Variants in NCKAP1L observed in about 807,000 individuals in gnomAD.
The protein encoded by NCKAP1L is NCK associated protein 1 like.
NCKAP1L carries 53 observed loss-of-function variants against 139.2 expected under a neutral mutation model. The observed-to-expected ratio is 0.38, with a 90% CI of 0.31 to 0.48. The LOEUF (loss-of-function observed/expected upper bound fraction) is 0.48. Among genes scored for constraint, NCKAP1L ranks in the 20% least tolerant of loss-of-function variants. The probability of loss-of-function intolerance (pLI) is 0.98; values close to 1 mark genes in which losing one functional copy is unlikely to be tolerated. For missense variants in NCKAP1L, 1,151 were observed against 1,381.9 expected (o/e 0.83, Z 2.65); for synonymous variants, 468 against 499.7 (o/e 0.94, Z 0.85).
At chr12:54,518,786 A>T in intron 14 of NCKAP1L, 54 bp downstream of exon 14, 1 of 1,535,658 alleles carries the variant, frequency 6.5e-7, no homozygotes, top group Non-Finnish European at 9.0e-7. Context: ...AACATCTTTT[A>T]TCCGGAAATA....
intron 19 of NCKAP1L, 111 bp downstream of exon 19, chr12:54,523,650 A>G: frequency 6.8e-7 from 1 of 1,465,284 alleles, no homozygotes; most frequent in Non-Finnish European, 9.2e-7. Context: ...GTGGGGAATG[A>G]GGGGCATGGA....
At position 54,519,342 on chromosome 12, in the gene NCKAP1L, G is replaced by T; in HGVS notation, c.1625+10G>T. 6.7e-7 allele frequency: 1 copy of T among 1,490,678 alleles called. No homozygotes were observed. Among genetic ancestry groups the T allele is most frequent in the South Asian group, 1.5e-5 (1 of 68,410 alleles). 92.3% of individuals were successfully genotyped at this position (1,490,678 alleles called of 1,614,324 possible). On this transcript the variant is annotated intron_variant, in intron 16 of 30. Transcript: ENST00000293373. ...ATCTGTCTACTTTCTGGTATGTCTT[G>T]GTTCAGAGCTCTCTTTAAAAAGTTT...
chr12:54,523,034 T>C (rs1485418660), intron 18 of NCKAP1L, among the ~76,000 whole-genome samples: 2 of 152,216 alleles, frequency 1.3e-5, no homozygotes, highest in African/African-American at 4.8e-5. Flanking sequence ...TTTTCCTACA[T>C]TGGAAGACCC....
intron 7 of NCKAP1L, chr12:54,510,497 G>A (rs893719541): frequency 3.6e-5 from 7 of 192,884 alleles, no homozygotes; most frequent in Non-Finnish European, 7.7e-5. Flanking sequence ...GACTAATTTT[G>A]TTTATTTTAT....
chr12:54,544,113 G>A lies in NCKAP1L; in HGVS notation c.*1428G>A, dbSNP rs900636811. 2 of 152,180 alleles carry A rather than the reference G, an allele frequency of 1.3e-5. No homozygotes were observed. The highest frequency in any genetic ancestry group is 6.5e-5 in the Admixed American group (1 of 15,278). 9.4% of individuals were successfully genotyped at this position (152,180 alleles called of 1,614,324 possible). On this transcript the variant is annotated 3_prime_UTR_variant, in exon 31 of 31. Coordinates refer to ENST00000293373, the MANE Select transcript of NCKAP1L (RefSeq NM_005337.5). ...ATACAGATTTTTCTTAGCAACAGTT[G>A]TCTGCTCTTTAGGGTGGAAGCGATA...
chr12:54,527,344 G>C (rs1287245002), intron 21 of NCKAP1L, among the ~76,000 whole-genome samples: 1 of 152,178 alleles, frequency 6.6e-6, no homozygotes, highest in Non-Finnish European at 1.5e-5. Context: ...CTGCAAAGAA[G>C]AACCCCCCAG....
rs747272421 is a variant in NCKAP1L, at chr12:54,538,896, A to G, written c.3196A>G (p.Ser1066Gly). The change falls in exon 30 of 31, where the codon AGC becomes GGC. Residue 1066 changes from serine (S) to glycine (G), a missense_variant. By Grantham distance (56) the Ser-to-Gly change is moderately conservative (BLOSUM62 0). Transcript: ENST00000293373. ...LKEFLVVASV[S>G]LLQLGQETDK... ...TCTTCCCTTACAGGTGGCCTCTGTC[A>G]GCCTCTTGCAGCTGGGCCAGGAGAC... The G allele has an allele frequency of 5.6e-6, 9 of 1,614,030 alleles. No homozygotes were observed. The highest frequency in any genetic ancestry group is 7.6e-6 in the Non-Finnish European group (9 of 1,179,928).
chr12:54,538,146 C>T (rs1248363937), intron 29 of NCKAP1L, among the ~76,000 whole-genome samples: 3 of 152,196 alleles, frequency 2.0e-5, no homozygotes, highest in Non-Finnish European at 4.4e-5. Flanking sequence ...CACAGCGGAT[C>T]ATATTGTTCT....
Position 54,537,058 on chromosome 12 carries a change from G to A in NCKAP1L, c.3183+5G>A. 6.4e-7 allele frequency: 1 copy of A among 1,571,216 alleles called. No individual in the cohort carries two copies. On this transcript the variant is annotated splice_donor_5th_base_variant and intron_variant, in intron 29 of 30. Coordinates refer to ENST00000293373, the MANE Select transcript of NCKAP1L (RefSeq NM_005337.5). ...CACCTCAAGGAATTTCTGGTGGTGA[G>A]TGGGTCTAGGTTATAAAGAATGGAA...
chr12:54,541,562 C>T (rs1000018234), intron 30 of NCKAP1L, among the ~76,000 whole-genome samples: 2 of 152,194 alleles, frequency 1.3e-5, no homozygotes, highest in African/African-American at 4.8e-5. Flanking sequence ...CAGCAGATTT[C>T]CCTTCCTTCA....
chr12:54,511,234 T>TA (rs1295849519), intron 7 of NCKAP1L, among the ~76,000 whole-genome samples: 1 of 152,234 alleles, frequency 6.6e-6, no homozygotes, highest in Non-Finnish European at 1.5e-5. Flanking sequence ...GAAGAGAAGT[T>TA]ATGTGAAACC....
rs367681620 is a variant in NCKAP1L at position 54,508,445 on chromosome 12, A to C, written c.420A>C (p.Ser140=). The C allele has an allele frequency of 6.2e-7, 1 of 1,614,060 alleles. No homozygotes were observed. The highest frequency in any genetic ancestry group is 1.1e-5 in the South Asian group (1 of 91,088). The part of the protein sequence containing the change: ...SYLDLIVTYT[S]VILLLSRIED... ...TGGACTTGATTGTAACTTACACCTC[A>C]GTCATTTTACTTCTGTCACGGATTG... The change falls in exon 5 of 31, where the codon TCA becomes TCC. Residue 140 remains serine, a synonymous_variant. Coordinates refer to ENST00000293373, the MANE Select transcript of NCKAP1L (RefSeq NM_005337.5).
intron 29 of NCKAP1L, among the ~76,000 whole-genome samples, chr12:54,538,381 G>A (rs1192734463): frequency 1.3e-5 from 2 of 152,110 alleles, no homozygotes. Context: ...CCTGGGCCTG[G>A]GATACAATGA....
chr12:54,538,566 G>A (rs1957131643), intron 29 of NCKAP1L, among the ~76,000 whole-genome samples: 1 of 152,170 alleles, frequency 6.6e-6, no homozygotes, highest in Non-Finnish European at 1.5e-5. Context: ...TCTGGAGGCT[G>A]CCTAGGAAAA....
chr12:54,513,801 G>C (rs1362421950), intron 9 of NCKAP1L, among the ~76,000 whole-genome samples: 1 of 152,124 alleles, frequency 6.6e-6, no homozygotes, highest in African/African-American at 2.4e-5. Flanking sequence ...GACTGTAAAG[G>C]GAAGAATAGA....
Position 54,532,247 on chromosome 12 carries a change from C to G in NCKAP1L, c.2859C>G (p.Ile953Met). The G allele has an allele frequency of 2.5e-6, 4 of 1,612,318 alleles. No homozygotes were observed. Among genetic ancestry groups the G allele is most frequent in the Non-Finnish European group, 3.4e-6 (4 of 1,178,954 alleles). The stretch of plus-strand genomic sequence containing the variant: ...AGTTTGTCACTCCAGACACAGACAT[C>G]AAGGTATGGAGGAGTGCAAAGTAGA... ...LKEFVTPDTD[I>M]KVTLSIFELA... is the part of the protein sequence containing the mutation. Residue 953 changes from isoleucine to methionine, a missense_variant, in exon 26 of 31, where the codon ATC (isoleucine) becomes ATG (methionine). Coordinates refer to ENST00000293373, the MANE Select transcript of NCKAP1L (RefSeq NM_005337.5).
chr12:54,519,056 C>T (rs1956958108), intron 15 of NCKAP1L, 84 bp downstream of exon 15: 21 of 1,548,954 alleles, frequency 1.4e-5, no homozygotes, highest in East Asian at 2.3e-5. Flanking sequence ...CCTAAATTTG[C>T]TTTATGGAGT....
At chr12:54,506,796 A>AAAAAAAAAAAAAATATATATATATAT in intron 3 of NCKAP1L, among the ~76,000 whole-genome samples, 2 of 50,608 alleles carry the variant, frequency 4.0e-5, no homozygotes, top group East Asian at 2.1e-3. Flanking sequence ...AAAAAAAAAA[A>AAAAAAAAAAAAAATATATATATATAT]ATATATATAT....
chr12:54,528,088 G>A (rs1449004938), intron 21 of NCKAP1L, among the ~76,000 whole-genome samples, 159 bp from the exon 22 acceptor site: 1 of 152,124 alleles, frequency 6.6e-6, no homozygotes, highest in African/African-American at 2.4e-5. Flanking sequence ...CATCAGCTTG[G>A]GGTGTTAATT....
Sources: allele counts gnomAD v4.1 joint callset (sites outside exome capture counted in the v4.1 genomes callset), GRCh38; gene constraint gnomAD v4.1.1; transcripts MANE v1.5; gene names NCBI Gene and HGNC (gene_info 2026-07-23, HGNC 2026-07-21).